The following SYT1 variants were observed in gnomAD, a reference collection of about 807,000 sequenced individuals.
SYT1 encodes the protein synaptotagmin 1.
Under a neutral mutation model 44.8 loss-of-function variants are expected in SYT1, and 8 were observed. The ratio of observed to expected loss-of-function variants is 0.18; its 90% CI spans 0.10 to 0.32. The LOEUF (loss-of-function observed/expected upper bound fraction) is 0.32, where lower values mean the gene tolerates loss of function less well. Ranked by LOEUF, SYT1 falls within the 10% of genes least tolerant of loss-of-function variation. The probability of loss-of-function intolerance (pLI) is 1.00; values close to 1 mark genes in which losing one functional copy is unlikely to be tolerated. For synonymous variants in SYT1, 154 were observed against 188.8 expected, an observed-to-expected ratio of 0.82 and a Z score of 1.51; for missense variants, 286 against 509.3, an observed-to-expected ratio of 0.56 and a Z score of 4.22.
intron 9 of SYT1, among the ~76,000 whole-genome samples, chr12:79,442,502 A>G (rs1422751600): frequency 1.3e-5 from 2 of 152,220 alleles, no homozygotes; most frequent in African/African-American, 4.8e-5. Context: ...AACATTTAAA[A>G]AAATCTCCTA....
At chr12:79,239,528 A>T (rs1876379188) in intron 4 of SYT1, among the ~76,000 whole-genome samples, 1 of 152,238 alleles carries the variant, frequency 6.6e-6, no homozygotes, top group Non-Finnish European at 1.5e-5. Flanking sequence ...GGTTAATAAT[A>T]GGGGAAACTA....
chr12:78,876,182 C>T (rs1216562457), intron 1 of SYT1, among the ~76,000 whole-genome samples: 1 of 151,574 alleles, frequency 6.6e-6, no homozygotes, highest in Non-Finnish European at 1.5e-5. Context: ...TTAGACAACA[C>T]AGTTCTTGTA....
intron 3 of SYT1, among the ~76,000 whole-genome samples, chr12:79,183,669 A>G (rs1872660573): frequency 6.6e-6 from 1 of 151,964 alleles, no homozygotes; most frequent in South Asian, 2.1e-4. Context: ...TACCGTATAG[A>G]TGGTCCTTTC....
At chr12:79,374,914 C>T (rs532829962) in intron 9 of SYT1, among the ~76,000 whole-genome samples, 2 of 152,152 alleles carry the variant, frequency 1.3e-5, no homozygotes, top group South Asian at 4.2e-4. Flanking sequence ...TGTAAAGGAC[C>T]AGATAGTAAA....
intron 3 of SYT1, among the ~76,000 whole-genome samples, chr12:79,156,709 T>C (rs1406032156): frequency 2.0e-5 from 3 of 152,246 alleles, no homozygotes; most frequent in Non-Finnish European, 1.5e-5. Context: ...CCTTGTGATC[T>C]GCCCGCCTCA....
intron 2 of SYT1, among the ~76,000 whole-genome samples, chr12:79,008,113 G>C (rs1181151546): frequency 6.6e-6 from 1 of 152,066 alleles, no homozygotes; most frequent in Non-Finnish European, 1.5e-5. Context: ...AGTGACTTGG[G>C]AGTAGAAGGT....
chr12:79,286,331 G>A (rs1457979752), intron 5 of SYT1, among the ~76,000 whole-genome samples: 1 of 152,148 alleles, frequency 6.6e-6, no homozygotes, highest in Non-Finnish European at 1.5e-5. Flanking sequence ...TTTGCATTTG[G>A]GCAGGGGATC....
chr12:79,410,361 A>T (rs1868364657), intron 9 of SYT1, among the ~76,000 whole-genome samples: 1 of 152,090 alleles, frequency 6.6e-6, no homozygotes, highest in South Asian at 2.1e-4. Flanking sequence ...CATTCACAGA[A>T]TCAGGGGTGT....
intron 2 of SYT1, among the ~76,000 whole-genome samples, chr12:79,033,229 G>A (rs1290393066): frequency 6.6e-6 from 1 of 151,168 alleles, no homozygotes; most frequent in Non-Finnish European, 1.5e-5. Context: ...TGAAATGAGA[G>A]TCTCCTTCCA....
intron 9 of SYT1, among the ~76,000 whole-genome samples, chr12:79,387,314 A>G (rs768264386): frequency 6.6e-6 from 1 of 152,238 alleles, no homozygotes; most frequent in African/African-American, 2.4e-5. Flanking sequence ...GTGATAATTC[A>G]TAAGTCAACA....
At chr12:79,289,764 G>A (rs982218065) in intron 5 of SYT1, among the ~76,000 whole-genome samples, 1 of 152,024 alleles carries the variant, frequency 6.6e-6, no homozygotes, top group South Asian at 2.1e-4. Flanking sequence ...ATCTTATAGG[G>A]AGGCAAATTA....
intron 1 of SYT1, among the ~76,000 whole-genome samples, chr12:78,932,254 T>C (rs530719740): frequency 1.3e-5 from 2 of 152,314 alleles, no homozygotes; most frequent in South Asian, 4.1e-4. Flanking sequence ...ACTTCTGTAA[T>C]GAGAAACCAA....
chr12:78,969,227 C>A (rs551352244), intron 1 of SYT1, among the ~76,000 whole-genome samples: 119 of 152,226 alleles, frequency 7.8e-4, no homozygotes, highest in Non-Finnish European at 1.5e-3. Context: ...AATACTACAA[C>A]ATTTTATATC....
intron 3 of SYT1, among the ~76,000 whole-genome samples, chr12:79,059,302 C>G (rs1361105047): frequency 1.3e-5 from 2 of 151,994 alleles, no homozygotes; most frequent in Non-Finnish European, 2.9e-5. Context: ...CACAACCAAA[C>G]CATATCAAGA....
At chr12:79,317,692 C>T (rs780056233) in intron 8 of SYT1, among the ~76,000 whole-genome samples, 9 of 152,156 alleles carry the variant, frequency 5.9e-5, no homozygotes, top group Non-Finnish European at 1.2e-4. Flanking sequence ...GCTCAACTCA[C>T]GTGTTGGTAA....
At chr12:79,445,433 A>G (rs942020219) in intron 10 of SYT1, among the ~76,000 whole-genome samples, 25 of 152,154 alleles carry the variant, frequency 1.6e-4, no homozygotes, top group Non-Finnish European at 2.9e-4. Flanking sequence ...GTGATTTTAT[A>G]TCCTTAAACA....
intron 2 of SYT1, among the ~76,000 whole-genome samples, chr12:79,037,297 G>A (rs999006818): frequency 1.3e-5 from 2 of 150,442 alleles, no homozygotes; most frequent in African/African-American, 4.9e-5. Flanking sequence ...TTTTTTCAAG[G>A]TACATACTAG....
chr12:79,075,503 G>T (rs750069867), intron 3 of SYT1, among the ~76,000 whole-genome samples: 1 of 152,172 alleles, frequency 6.6e-6, no homozygotes, highest in African/African-American at 2.4e-5. Flanking sequence ...GCTTTAAGAT[G>T]AAACACAGAA....
At chr12:79,274,894 A>G (rs185342854) in intron 4 of SYT1, among the ~76,000 whole-genome samples, 7 of 152,378 alleles carry the variant, frequency 4.6e-5, no homozygotes, top group Admixed American at 4.6e-4. Context: ...AGGAAATCTT[A>G]GAGAGATACA....
Sources: allele counts gnomAD v4.1 joint callset (sites outside exome capture counted in the v4.1 genomes callset), GRCh38; gene constraint gnomAD v4.1.1; transcripts MANE v1.5; gene names NCBI Gene and HGNC (gene_info 2026-07-23, HGNC 2026-07-21).